GAS6: variants seen among roughly 807,000 people sequenced by gnomAD.
GAS6 encodes the protein growth arrest-specific protein 6.
Under a neutral mutation model 75.8 loss-of-function variants are expected in GAS6, and 41 were observed. The ratio of observed to expected loss-of-function variants is 0.54; its 90% confidence interval spans 0.42 to 0.70. GAS6 has a LOEUF of 0.70. Ranked by LOEUF, GAS6 falls within the 30% of genes least tolerant of loss-of-function variation. The pLI, the probability that GAS6 is intolerant of heterozygous loss-of-function variation, is 0.00. For synonymous variants in GAS6, 432 were observed against 412.6 expected (o/e 1.05, Z -0.57); for missense variants, 854 against 940.2 (o/e 0.91, Z 1.20).
chr13:113,854,336 C>T (rs2051897441), intron 2 of GAS6, among the ~76,000 whole-genome samples: 1 of 152,250 alleles, frequency 6.6e-6, no homozygotes, highest in Non-Finnish European at 1.5e-5. Flanking sequence ...CAGTGTCTCT[C>T]ATGGGCTTCA....
intron 5 of GAS6, among the ~76,000 whole-genome samples, chr13:113,838,676 C>G (rs2051743906): frequency 7.6e-6 from 1 of 131,696 alleles, no homozygotes; most frequent in South Asian, 2.7e-4. Flanking sequence ...GGGTGCACAG[C>G]CCAGCCCTGG....
chr13:113,826,666 AGGCACCTTCTCTCCCCCGCCTCCTGGCG>A (rs2051551539), intron 12 of GAS6, among the ~76,000 whole-genome samples: 1 of 101,146 alleles, frequency 9.9e-6, no homozygotes, highest in African/African-American at 5.0e-5. Context: ...CCGGCCTCGC[AGGCACCTTCTCTCCCCCGCCTCCTGGCG>A]CCGGCCTCGC....
Position 113,845,303 on chromosome 13 carries a change from C to T in GAS6, c.343+1224G>A, listed in dbSNP as rs537202302. Reference sequence around the variant, plus strand: ...CTTGGGGAGCGGGACTGAGCCACCTCTGACTCCTTCTGCTGACTGGGATCC... The same window carrying T: ...CTTGGGGAGCGGGACTGAGCCACCTTTGACTCCTTCTGCTGACTGGGATCC... On this transcript the variant is annotated intron_variant, in intron 4 of 14. Transcript: ENST00000327773. The surrounding 1 kb of genome is among the most constrained non-coding windows in gnomAD (Gnocchi z 4.3). 6.6e-6 allele frequency: 1 copy of T among 150,424 alleles called. No individual in the cohort carries two copies. Among genetic ancestry groups the T allele is most frequent in the South Asian group, 2.1e-4 (1 of 4,810 alleles). The allele number at this position is 150,424 out of a possible 1,614,324, so 9.3% of individuals were successfully genotyped here.
chr13:113,845,581 A>T lies in GAS6; in HGVS notation c.343+946T>A, dbSNP rs2051827346. The T allele has an allele frequency of 6.9e-6, 1 of 145,596 alleles. No homozygotes were observed. The highest frequency in any genetic ancestry group is 2.1e-4 in the South Asian group (1 of 4,814). 9.0% of individuals were successfully genotyped at this position (145,596 alleles called of 1,614,324 possible). On this transcript the variant is annotated intron_variant, in intron 4 of 14. Coordinates refer to ENST00000327773, the MANE Select transcript of GAS6 (RefSeq NM_000820.4). This position sits in a 1 kb window ranked among gnomAD's most constrained non-coding sequence, Gnocchi z 4.3. ...GCATGATAATTTTAAAATAATAAAA[A>T]AGACTTGTGGCAAGCTGAAAAAATT...
At chr13:113,830,119 A>G (rs907443519) in intron 10 of GAS6, among the ~76,000 whole-genome samples, 1 of 152,274 alleles carries the variant, frequency 6.6e-6, no homozygotes, top group African/African-American at 2.4e-5. Context: ...TGCTAGATAC[A>G]CTATATTCCT....
chr13:113,835,454 G>C (rs2051689958), intron 7 of GAS6, 59 bp downstream of exon 7: 3 of 1,584,554 alleles, frequency 1.9e-6, no homozygotes, highest in Non-Finnish European at 1.7e-6. Context: ...GCAGTGACTG[G>C]CACCCGTGTC....
At chr13:113,833,188 G>A (rs955041964) in intron 8 of GAS6, 15 of 1,122,298 alleles carry the variant, frequency 1.3e-5, no homozygotes, top group African/African-American at 3.2e-5. Context: ...AACCAAAGCC[G>A]GTGTGAGCTG....
Position 113,863,448 on chromosome 13 carries a change from T to C in GAS6, c.255+127A>G. 1 of 903,048 alleles carries C rather than the reference T, an allele frequency of 1.1e-6. No individual in the cohort carries two copies. Among genetic ancestry groups the C allele is most frequent in the Non-Finnish European group, 1.5e-6 (1 of 670,180 alleles). The allele number at this position is 903,048 out of a possible 1,614,324, so 55.9% of individuals were successfully genotyped here. On this transcript the variant is annotated intron_variant, in intron 2 of 14. Transcript: ENST00000327773. This position sits in a 1 kb window ranked among gnomAD's most constrained non-coding sequence, Gnocchi z 9.4. The stretch of plus-strand genomic sequence containing the variant: ...TGGGGGACGCGGGGCGGGCCGGGGC[T>C]CCTGGGACCCTGAGGCCAGGCCTCG...
intron 14 of GAS6, 29 bp downstream of exon 14, chr13:113,821,929 C>T: frequency 2.0e-6 from 3 of 1,489,432 alleles, no homozygotes; most frequent in Non-Finnish European, 1.8e-6. Context: ...AGCTCTTCAC[C>T]CGGGTTGAGC....
intron 12 of GAS6, among the ~76,000 whole-genome samples, chr13:113,826,541 G>A (rs113809784): frequency 0.012 from 1,130 of 97,104 alleles, 23 homozygotes; most frequent in African/African-American, 0.028. Flanking sequence ...TCCCGGCGCC[G>A]GCCTCGCAGG....
In GAS6 at chr13:113,828,479, G is replaced by C. The variant is rs571048917; in HGVS notation, c.1308+68C>G. 3.9e-6 allele frequency: 6 copies of C among 1,520,230 alleles called. No individual in the cohort carries two copies. The South Asian group carries it at 6.2e-5, about 16-fold the overall frequency. 94.2% of individuals were successfully genotyped at this position (1,520,230 alleles called of 1,614,324 possible). A position where few individuals can be genotyped will look rare whatever the true frequency, so the allele number is the denominator to read the frequency against. On this transcript the variant is annotated intron_variant, in intron 11 of 14. Transcript: ENST00000327773. The stretch of plus-strand genomic sequence containing the variant: ...AAACACAGGGCAGGGTGTGACTGAG[G>C]CTTCCTGACACCGTTCCCGGGATCC...
intron 10 of GAS6, among the ~76,000 whole-genome samples, chr13:113,830,293 G>A (rs1383683061): frequency 6.6e-6 from 1 of 152,124 alleles, no homozygotes; most frequent in Non-Finnish European, 1.5e-5. Flanking sequence ...CCCTGCTGGG[G>A]AAGGGCCTGT....
rs76935702 is a variant in GAS6 at position 113,826,683 on chromosome 13, C to A, written c.1477+313G>T. On this transcript the variant is annotated intron_variant, in intron 12 of 14. Transcript: ENST00000327773. Reference sequence around the variant, plus strand: ...GGCCTCGCAGGCACCTTCTCTCCCCCGCCTCCTGGCGCCGGCCTCGCAGGC... The same window carrying A: ...GGCCTCGCAGGCACCTTCTCTCCCCAGCCTCCTGGCGCCGGCCTCGCAGGC... Among the ~76,000 whole-genome samples the A allele has an allele frequency of 3.9e-4, 13 of 33,534 alleles. 3 individuals are homozygous for A. The highest frequency in any genetic ancestry group is 3.0e-3 in the African/African-American group (9 of 3,034). The allele number at this position is 33,534 out of a possible 152,430, so 22.0% of individuals were successfully genotyped here.
intron 8 of GAS6, chr13:113,833,014 C>T: frequency 7.3e-7 from 1 of 1,379,054 alleles, no homozygotes; most frequent in Non-Finnish European, 9.4e-7. Flanking sequence ...TTCCCTTGAC[C>T]CTTTATTTTT....
At position 113,832,452 on chromosome 13, in the gene GAS6, G is replaced by A. The variant is rs747914644; in HGVS notation, c.990C>T (p.Pro330=). The A allele has an allele frequency of 1.8e-5, 29 of 1,606,580 alleles. No homozygotes were observed. Among genetic ancestry groups the A allele is most frequent in the Admixed American group, 3.3e-5 (2 of 59,774 alleles). The change falls in exon 10 of 15, where the codon CCC becomes CCT. Residue 330 remains proline (P), a synonymous_variant. Transcript: ENST00000327773. The stretch of plus-strand genomic sequence containing the variant: ...CTCCGGCAAAGAGGAGGATGCCCTC[G>A]GGGTCAAAGGTCCGGAAGTCAAACT... ...VAEFDFRTFD[P]EGILLFAGGH... is the part of the protein sequence containing the mutation.
intron 11 of GAS6, 22 bp from the exon 12 acceptor site, chr13:113,827,186 C>T (rs370783900): frequency 4.6e-5 from 74 of 1,606,172 alleles, no homozygotes; most frequent in Non-Finnish European, 5.7e-5. Context: ...GAGAAATCTC[C>T]GTGGCTTCCT....
At chr13:113,851,173 G>A (rs1234575288) in intron 2 of GAS6, among the ~76,000 whole-genome samples, 3 of 152,004 alleles carry the variant, frequency 2.0e-5, no homozygotes, top group Non-Finnish European at 4.4e-5. Flanking sequence ...ATGGACGGAT[G>A]ACTGAGTGGG....
intron 12 of GAS6, 148 bp downstream of exon 12, chr13:113,826,848 G>GGCCCCCCCCCCCCCCCCCCCCC: frequency 6.1e-6 from 1 of 163,608 alleles, no homozygotes; most frequent in Non-Finnish European, 1.3e-5. Context: ...CCGCACCTCC[G>GGCCCCCCCCCCCCCCCCCCCCC]CCCACCCCGC....
rs926121977 is a variant in GAS6, at chr13:113,837,011, C to T, written c.589+1058G>A. Among the ~76,000 whole-genome samples, 3 of 151,534 alleles carry T rather than the reference C, an allele frequency of 2.0e-5. No individual in the cohort carries two copies. Among genetic ancestry groups the T allele is most frequent in the Non-Finnish European group, 2.9e-5 (2 of 67,820 alleles). ...GAGCCTAGACTTTGCCGGGAGTGCCCGACTGGTGCAGGGACCCACGGGAGA... is the reference window on the plus strand; with the variant it reads ...GAGCCTAGACTTTGCCGGGAGTGCCTGACTGGTGCAGGGACCCACGGGAGA... On this transcript the variant is annotated intron_variant, in intron 6 of 14. Transcript: ENST00000327773. The surrounding 1 kb of genome is among the most constrained non-coding windows in gnomAD (Gnocchi z 5.1).
Sources: gnomAD v4.1 joint callset for allele counts (sites outside exome capture counted in the v4.1 genomes callset) on GRCh38, gnomAD v4.1.1 for gene constraint, Gnocchi (gnomAD v3.1) non-coding constraint, MANE v1.5 for transcripts, NCBI Gene and HGNC (gene_info 2026-07-23, HGNC 2026-07-21) for gene names.